The following CPNE6 variants were observed in gnomAD, a reference collection of about 807,000 sequenced individuals.
CPNE6 encodes the protein copine 6.
A neutral mutation model predicts 71.5 loss-of-function variants in CPNE6; 33 were observed. The ratio of observed to expected loss-of-function variants is 0.46; its 90% CI spans 0.35 to 0.62. The LOEUF (loss-of-function observed/expected upper bound fraction) is 0.62. Ranked by LOEUF, CPNE6 falls within the 20% of genes least tolerant of loss-of-function variation. The pLI is 0.00. For synonymous variants in CPNE6, 296 were observed against 293.0 expected (o/e 1.01, Z -0.10); for missense variants, 576 against 747.3 (o/e 0.77, Z 2.67).
At position 24,077,817 on chromosome 14, in the gene CPNE6, G is replaced by C; in HGVS notation, c.*37+50G>C. On this transcript the variant is annotated intron_variant, in intron 17 of 17. Coordinates refer to ENST00000397016, the Ensembl canonical transcript of CPNE6. This position sits in a 1 kb window ranked among gnomAD's most constrained non-coding sequence, Gnocchi z 6.1. The stretch of plus-strand genomic sequence containing the variant: ...GTGGACACAGGGGGTGCAAAGTGGG[G>C]CTTGGTAGAGCCCAACTAGGCTGGG... 5.8e-6 allele frequency: 8 copies of C among 1,375,136 alleles called. No individual in the cohort carries two copies. The highest frequency in any genetic ancestry group is 5.7e-6 in the Non-Finnish European group (6 of 1,046,494). 85.2% of individuals were successfully genotyped at this position (1,375,136 alleles called of 1,614,324 possible). A position where few individuals can be genotyped will look rare whatever the true frequency, so the allele number is the denominator to read the frequency against.
chr14:24,075,704 A>T lies in CPNE6; in HGVS notation c.864+113A>T. 2 of 1,340,224 alleles carry T rather than the reference A, an allele frequency of 1.5e-6. No individual in the cohort carries two copies. The highest frequency in any genetic ancestry group is 1.1e-6 in the Non-Finnish European group (1 of 950,524). The allele number at this position is 1,340,224 out of a possible 1,614,324, so 83.0% of individuals were successfully genotyped here. A position where few individuals can be genotyped will look rare whatever the true frequency, so the allele number is the denominator to read the frequency against. ...AGTTTCTCTGCTTCTGGGAACTGGA[A>T]ACCACCCCCAACTGCAACCCAAAAA... On this transcript the variant is annotated intron_variant, in intron 10 of 17. Coordinates refer to ENST00000397016, the Ensembl canonical transcript of CPNE6. The surrounding 1 kb of genome is among the most constrained non-coding windows in gnomAD (Gnocchi z 4.3).
At chr14:24,076,238 G>A in exon 12 of CPNE6, 3 of 1,614,196 alleles carry the variant, frequency 1.9e-6, no homozygotes, top group Non-Finnish European at 2.5e-6. Context: ...ACCACTACCT[G>A]CAGGCCCTGC....
chr14:24,071,512 C>CCCCCCCCCCCCCCCG, intron 1 of CPNE6, 50 bp from the exon 1 acceptor site: 1 of 1,499,432 alleles, frequency 6.7e-7, no homozygotes, highest in Non-Finnish European at 8.9e-7. Flanking sequence ...CCCCCCCCCA[C>CCCCCCCCCCCCCCCG]CCCTCCCCAT....
At chr14:24,076,987 G>A (rs534432936) in exon 15 of CPNE6, 25 of 1,611,644 alleles carry the variant, frequency 1.6e-5, no homozygotes, top group South Asian at 7.7e-5. Flanking sequence ...CCGGCCCAGC[G>A]GGAGCAGAGC....
intron 13 of CPNE6, 39 bp downstream of exon 12, chr14:24,076,453 T>C: frequency 3.1e-6 from 5 of 1,614,118 alleles, no homozygotes; most frequent in Non-Finnish European, 4.2e-6. Context: ...ATGGGGGGCG[T>C]GTCAGTCAGG....
chr14:24,072,282 G>C lies in CPNE6; in HGVS notation c.-5+641G>C, dbSNP rs1442122126. The C allele has an allele frequency of 3.9e-5, 6 of 152,284 alleles. No homozygotes were observed. In the East Asian group the frequency reaches 1.2e-3, roughly 29 times the overall value. The allele number at this position is 152,284 out of a possible 1,614,324, so 9.4% of individuals were successfully genotyped here. On this transcript the variant is annotated intron_variant, in intron 2 of 17. Transcript: ENST00000397016. ...AAACAGGGGAGGTGGGGAGGGATGT[G>C]AGGCTTGTCACAGTTAGAGCTCCTG...
Position 24,075,770 on chromosome 14 carries a change from G to A in CPNE6, c.865-57G>A. 1.3e-6 allele frequency: 2 copies of A among 1,548,862 alleles called. No individual in the cohort carries two copies. The highest frequency in any genetic ancestry group is 1.8e-6 in the Non-Finnish European group (2 of 1,122,280). ...TGTTCCCCACAGAAGCCCTACCCAA[G>A]CTCCCTCCTCAAAGGACCACCCCAT... On this transcript the variant is annotated intron_variant, in intron 10 of 17. Coordinates refer to ENST00000397016, the Ensembl canonical transcript of CPNE6. The surrounding 1 kb of genome is among the most constrained non-coding windows in gnomAD (Gnocchi z 4.3).
intron 1 of CPNE6, chr14:24,071,279 A>G: frequency 7.7e-7 from 1 of 1,301,446 alleles, no homozygotes; most frequent in Non-Finnish European, 1.0e-6. Context: ...CTCTGTTTGA[A>G]TGTGTATGTG....
At chr14:24,076,224 C>G (rs1321821006) in exon 12 of CPNE6, 3 of 1,614,102 alleles carry the variant, frequency 1.9e-6, no homozygotes, top group Non-Finnish European at 2.5e-6. Flanking sequence ...TCCCCGACAG[C>G]CCAACCACTA....
Position 24,073,779 on chromosome 14 carries a change from C to T in CPNE6, c.348+101C>T. 7.6e-7 allele frequency: 1 copy of T among 1,307,868 alleles called. No individual in the cohort carries two copies. The allele number at this position is 1,307,868 out of a possible 1,614,324, so 81.0% of individuals were successfully genotyped here. A position where few individuals can be genotyped will look rare whatever the true frequency, so the allele number is the denominator to read the frequency against. On this transcript the variant is annotated intron_variant, in intron 4 of 17. Coordinates refer to ENST00000397016, the Ensembl canonical transcript of CPNE6. This position sits in a 1 kb window ranked among gnomAD's most constrained non-coding sequence, Gnocchi z 5.5. ...AACATGAGCTCTAGAGCTAGTTCAA[C>T]CCAGCCTTGGCTCCCATCTCTGCCA...
chr14:24,075,775 C>T lies in CPNE6; in HGVS notation c.865-52C>T, dbSNP rs192905108. On this transcript the variant is annotated intron_variant, in intron 10 of 17. Coordinates refer to ENST00000397016, the Ensembl canonical transcript of CPNE6. The surrounding 1 kb of genome is among the most constrained non-coding windows in gnomAD (Gnocchi z 4.3). ...CCCACAGAAGCCCTACCCAAGCTCC[C>T]TCCTCAAAGGACCACCCCATCCCCT... is the stretch of plus-strand genomic sequence containing the variant. 28 of 1,567,320 alleles carry T rather than the reference C, an allele frequency of 1.8e-5. No individual in the cohort carries two copies. In the Admixed American group the frequency reaches 4.0e-4, roughly 23 times the overall value.
intron 1 of CPNE6, 61 bp from the exon 1 acceptor site, chr14:24,071,501 G>GCGGCCCC: frequency 3.5e-6 from 5 of 1,416,700 alleles, no homozygotes; most frequent in Non-Finnish European, 4.7e-6. Context: ...CTGGTGCTGC[G>GCGGCCCC]CCCCCCCCCA....
At position 24,075,997 on chromosome 14, in the gene CPNE6, G is replaced by T. The variant is rs149273769; in HGVS notation, c.924+111G>T. The T allele has an allele frequency of 5.0e-5, 75 of 1,506,854 alleles. No individual in the cohort carries two copies. The highest frequency in any genetic ancestry group is 8.2e-5 in the African/African-American group (6 of 72,824). The allele number at this position is 1,506,854 out of a possible 1,614,324, so 93.3% of individuals were successfully genotyped here. On this transcript the variant is annotated intron_variant, in intron 11 of 17. Coordinates refer to ENST00000397016, the Ensembl canonical transcript of CPNE6. The surrounding 1 kb of genome is among the most constrained non-coding windows in gnomAD (Gnocchi z 4.3). Reference sequence around the variant, plus strand: ...CAACTTGGGCTGCTCATGAGCCTTCGCATTGTCAGCTTATGCACCCCCACA... The same window carrying T: ...CAACTTGGGCTGCTCATGAGCCTTCTCATTGTCAGCTTATGCACCCCCACA...
Position 24,074,894 on chromosome 14 carries a change from A to G in CPNE6, c.672+99A>G, listed in dbSNP as rs183933421. ...TGGCAAGCCTCCCTCCTCTCCCCCA[A>G]GTGATAATCACATCCCACTGTGGGA... On this transcript the variant is annotated intron_variant, in intron 8 of 17. Coordinates refer to ENST00000397016, the Ensembl canonical transcript of CPNE6. The surrounding 1 kb of genome is among the most constrained non-coding windows in gnomAD (Gnocchi z 4.5). 84 of 945,346 alleles carry G rather than the reference A, an allele frequency of 8.9e-5. No homozygotes were observed. In the Admixed American group the frequency reaches 1.4e-3, roughly 15 times the overall value. 58.6% of individuals were successfully genotyped at this position (945,346 alleles called of 1,614,324 possible). A position where few individuals can be genotyped will look rare whatever the true frequency, so the allele number is the denominator to read the frequency against.
chr14:24,074,312 G>A lies in CPNE6; in HGVS notation c.445G>A (p.Gly149Ser), dbSNP rs1368420607. 1.3e-6 allele frequency: 2 copies of A among 1,572,840 alleles called. No homozygotes were observed. Among genetic ancestry groups the A allele is most frequent in the Non-Finnish European group, 1.7e-6 (2 of 1,157,568 alleles). Residue 149 changes from glycine (G) to serine (S), a missense_variant, in exon 6 of 18, where the codon GGC becomes AGC. By Grantham distance (56) the Gly-to-Ser change is moderately conservative. Coordinates refer to ENST00000397016, the Ensembl canonical transcript of CPNE6. The surrounding 1 kb of genome is among the most constrained non-coding windows in gnomAD (Gnocchi z 4.5). Reference sequence around the variant, plus strand: ...GCAGATCGTGGCCGAGGAGGTATCAGGCACAAACGACTATGTGCAACTCAC... The same window carrying A: ...GCAGATCGTGGCCGAGGAGGTATCAAGCACAAACGACTATGTGCAACTCAC...
In CPNE6 at chr14:24,075,375, G is replaced by A. The variant is rs142535870; in HGVS notation, c.777+99G>A. On this transcript the variant is annotated intron_variant, in intron 9 of 17. Transcript: ENST00000397016. The surrounding 1 kb of genome is among the most constrained non-coding windows in gnomAD (Gnocchi z 4.3). Reference sequence around the variant, plus strand: ...CACCATAGGTGATAGGAAGTGGAGAGGGTGGAAAGCACCTGGGCTCAGCTG... The same window carrying A: ...CACCATAGGTGATAGGAAGTGGAGAAGGTGGAAAGCACCTGGGCTCAGCTG... 1.5e-4 allele frequency: 212 copies of A among 1,387,662 alleles called. No homozygotes were observed. In the African/African-American group the frequency reaches 2.7e-3, roughly 18 times the overall value. 86.0% of individuals were successfully genotyped at this position (1,387,662 alleles called of 1,614,324 possible).
intron 2 of CPNE6, chr14:24,072,181 G>A (rs1053249622): frequency 3.9e-5 from 6 of 152,552 alleles, no homozygotes; most frequent in African/African-American, 1.4e-4. Flanking sequence ...GCATCCCACG[G>A]GCAGCATGGA....
Position 24,077,566 on chromosome 14 carries a change from CT to C in CPNE6, c.1537-26del. ...GCCTCCCCTACTCTTCCTCTCACCC[CT>C]AACCACATCACTGTCCCCACCCTAG... On this transcript the variant is annotated intron_variant, in intron 16 of 17. Transcript: ENST00000397016. This position sits in a 1 kb window ranked among gnomAD's most constrained non-coding sequence, Gnocchi z 6.1. The C allele has an allele frequency of 6.3e-7, 1 of 1,584,416 alleles. No homozygotes were observed. Among genetic ancestry groups the C allele is most frequent in the South Asian group, 1.2e-5 (1 of 85,392 alleles).
At chr14:24,071,562 G>C in exon 2 of CPNE6, 1 of 1,442,560 alleles carries the variant, frequency 6.9e-7, no homozygotes, top group Non-Finnish European at 9.2e-7. Context: ...AGCTGGAGCC[G>C]GCGCCAGCGG....
Sources: gnomAD v4.1 joint callset for allele counts on GRCh38, gnomAD v4.1.1 for gene constraint, Gnocchi (gnomAD v3.1) non-coding constraint, MANE v1.5 for transcripts, NCBI Gene and HGNC (gene_info 2026-07-23, HGNC 2026-07-21) for gene names.